The following GLIS3 variants were observed in gnomAD, a reference collection of about 807,000 sequenced individuals.
GLIS3 encodes the protein GLIS family zinc finger 3, also known as zinc finger protein GLIS3.
In GLIS3, 53 loss-of-function variants were observed where a neutral mutation model predicts 78.6. That is an observed-to-expected ratio of 0.67 (90% CI 0.54 to 0.85). GLIS3 has a LOEUF of 0.85. Ranked by LOEUF, GLIS3 falls within the 40% of genes least tolerant of loss-of-function variation. The pLI is 0.00. For synonymous variants in GLIS3, 684 were observed against 509.9 expected (o/e 1.34, Z -4.60); for missense variants, 1,703 against 1,231.1 (o/e 1.38, Z -5.74).
chr9:4,359,541 G>T, the GLIS3 span, among the ~76,000 whole-genome samples: 1 of 152,130 alleles, frequency 6.6e-6, no homozygotes, highest in Admixed American at 6.5e-5. Context: ...AGGAATAATA[G>T]CTTCTGACTG....
the GLIS3 span, among the ~76,000 whole-genome samples, chr9:4,449,912 A>T: frequency 6.6e-6 from 1 of 152,182 alleles, no homozygotes; most frequent in South Asian, 2.1e-4. Flanking sequence ...AAAACCTGAA[A>T]ATTCTAAAAA....
At chr9:4,065,813 A>G (rs1827047891) in intron 4 of GLIS3, among the ~76,000 whole-genome samples, 1 of 152,234 alleles carries the variant, frequency 6.6e-6, no homozygotes, top group African/African-American at 2.4e-5. Context: ...AGCATACAGT[A>G]TATTTTAGCC....
intron 4 of GLIS3, chr9:4,054,627 T>C: frequency 3.4e-6 from 1 of 291,120 alleles, no homozygotes; most frequent in Non-Finnish European, 5.1e-6. Context: ...TTGTCATTCT[T>C]CCTGAAACTT....
chr9:4,117,070 G>A (rs1831707824), intron 4 of GLIS3, among the ~76,000 whole-genome samples: 1 of 152,174 alleles, frequency 6.6e-6, no homozygotes, highest in South Asian at 2.1e-4. Context: ...AGGCGAGGAA[G>A]AAAGAGACAT....
intron 8 of GLIS3, among the ~76,000 whole-genome samples, chr9:3,872,644 A>T (rs1259959886): frequency 6.6e-6 from 1 of 152,210 alleles, no homozygotes; most frequent in Non-Finnish European, 1.5e-5. Context: ...AACCATCCCG[A>T]TGATTCAATT....
At chr9:4,456,039 G>A in the GLIS3 span, among the ~76,000 whole-genome samples, 1 of 151,998 alleles carries the variant, frequency 6.6e-6, no homozygotes, top group Non-Finnish European at 1.5e-5. Context: ...ACCTGGGAGG[G>A]AGAGGTTGCA....
At chr9:4,392,549 A>G in the GLIS3 span, among the ~76,000 whole-genome samples, 1 of 152,118 alleles carries the variant, frequency 6.6e-6, no homozygotes, top group Non-Finnish European at 1.5e-5. Context: ...ACCTTTCACT[A>G]TGGCCCCAAA....
chr9:4,465,982 G>A, the GLIS3 span, among the ~76,000 whole-genome samples: 1 of 152,112 alleles, frequency 6.6e-6, no homozygotes, highest in Non-Finnish European at 1.5e-5. Flanking sequence ...CCACAAAACA[G>A]AAAAACAATA....
At chr9:4,173,899 G>A (rs1350881810) in intron 2 of GLIS3, among the ~76,000 whole-genome samples, 3 of 146,396 alleles carry the variant, frequency 2.0e-5, no homozygotes, top group Non-Finnish European at 1.5e-5. Flanking sequence ...ATCCTAGTCC[G>A]AGTACCCAGT....
chr9:4,195,428 G>T (rs1388353549), intron 2 of GLIS3, among the ~76,000 whole-genome samples: 1 of 152,224 alleles, frequency 6.6e-6, no homozygotes, highest in African/African-American at 2.4e-5. Flanking sequence ...GACAGTGAGG[G>T]GCTTAGCACC....
chr9:4,334,915 T>TG (rs1368276635), intron 2 of GLIS3, among the ~76,000 whole-genome samples: 1 of 147,768 alleles, frequency 6.8e-6, no homozygotes, highest in Non-Finnish European at 1.5e-5. Context: ...TTTTTTTTTT[T>TG]TTTTTTTTTT....
chr9:3,967,623 C>T (rs1818052438), intron 4 of GLIS3, among the ~76,000 whole-genome samples: 1 of 152,100 alleles, frequency 6.6e-6, no homozygotes, highest in Non-Finnish European at 1.5e-5. Context: ...CCTGAATCCT[C>T]GGTTATAATA....
chr9:4,060,751 C>A (rs898546040), intron 4 of GLIS3, among the ~76,000 whole-genome samples: 1 of 152,186 alleles, frequency 6.6e-6, no homozygotes, highest in Admixed American at 6.5e-5. Context: ...ATAGAAGTTC[C>A]TTTTCTTGTT....
intron 4 of GLIS3, among the ~76,000 whole-genome samples, chr9:4,036,772 C>T (rs181973125): frequency 6.6e-6 from 1 of 152,292 alleles, no homozygotes; most frequent in Admixed American, 6.5e-5. Flanking sequence ...GTGAGAAGAA[C>T]TGTGGGTGAT....
the GLIS3 span, among the ~76,000 whole-genome samples, chr9:4,433,304 C>T: frequency 6.6e-6 from 1 of 152,092 alleles, no homozygotes; most frequent in East Asian, 1.9e-4. Flanking sequence ...TAGTGGTACA[C>T]ACCTGTAGTC....
chr9:4,063,026 A>T (rs1826787060), intron 4 of GLIS3, among the ~76,000 whole-genome samples: 1 of 152,176 alleles, frequency 6.6e-6, no homozygotes, highest in Admixed American at 6.5e-5. Context: ...ACTTGGAATA[A>T]ACTCTCTTGA....
intron 4 of GLIS3, among the ~76,000 whole-genome samples, chr9:4,067,014 C>A (rs549766967): frequency 6.6e-6 from 1 of 152,270 alleles, no homozygotes; most frequent in South Asian, 2.1e-4. Context: ...CAGACCCTCC[C>A]CAATGGGATC....
chr9:4,453,370 A>C, the GLIS3 span, among the ~76,000 whole-genome samples: 1 of 151,078 alleles, frequency 6.6e-6, no homozygotes, highest in African/African-American at 2.4e-5. Context: ...AAAAAGAAAA[A>C]ACTACCATCA....
At chr9:4,135,667 C>G (rs1018321126) in intron 2 of GLIS3, among the ~76,000 whole-genome samples, 26 of 152,080 alleles carry the variant, frequency 1.7e-4, no homozygotes, top group Admixed American at 1.2e-3. Context: ...TTAGGCAAGG[C>G]ATAGTATCAA....
Sources: gnomAD v4.1 joint callset for allele counts (sites outside exome capture counted in the v4.1 genomes callset) on GRCh38, gnomAD v4.1.1 for gene constraint, MANE v1.5 for transcripts, NCBI Gene and HGNC (gene_info 2026-07-23, HGNC 2026-07-21) for gene names.